Variants in GALNTL6 observed in about 807,000 individuals in gnomAD.
GALNTL6 encodes the protein polypeptide N-acetylgalactosaminyltransferase-like 6.
In GALNTL6, 46 loss-of-function variants were observed where a neutral mutation model predicts 73.7. The ratio of observed to expected loss-of-function variants is 0.62; its 90% CI spans 0.49 to 0.80. The LOEUF (loss-of-function observed/expected upper bound fraction) is 0.80, where lower values mean the gene tolerates loss of function less well. GALNTL6 is among the 30% of genes least tolerant of loss of function. The pLI is 0.00. For synonymous variants in GALNTL6, 259 were observed against 263.7 expected (o/e 0.98, Z 0.17); for missense variants, 604 against 755.0 (o/e 0.80, Z 2.34).
At chr4:172,156,549 A>ATATATATATATATATATATATAGTG (rs1560945645) in intron 2 of GALNTL6, among the ~76,000 whole-genome samples, 1 of 65,940 alleles carries the variant, frequency 1.5e-5, no homozygotes, top group African/African-American at 5.9e-5. Flanking sequence ...TAATATATAT[A>ATATATATATATATATATATATAGTG]TATATATATA....
rs775509820 is a variant in GALNTL6 at position 172,809,777 on chromosome 4, T to C, written c.739+231T>C. 3.3e-5 allele frequency among the ~76,000 whole-genome samples: 5 copies of C among 152,192 alleles called. No individual in the cohort carries two copies. Among genetic ancestry groups the C allele is most frequent in the Admixed American group, 1.3e-4 (2 of 15,274 alleles). On this transcript the variant is annotated intron_variant, in intron 6 of 12. Transcript: ENST00000506823. This position sits in a 1 kb window ranked among gnomAD's most constrained non-coding sequence, Gnocchi z 4.4. ...ATTTTAAATAATATCAACTTCAATC[T>C]AACTTACAGTTTAGAAAAGGTTTCA... is the stretch of plus-strand genomic sequence containing the variant.
intron 12 of GALNTL6, among the ~76,000 whole-genome samples, chr4:173,032,038 C>T (rs1753482603): frequency 6.6e-6 from 1 of 152,200 alleles, no homozygotes. Context: ...GTGCAAGGCC[C>T]TGAGATAAGC....
At chr4:172,210,042 CAAT>C (rs1201016313) in intron 2 of GALNTL6, among the ~76,000 whole-genome samples, 1 of 151,924 alleles carries the variant, frequency 6.6e-6, no homozygotes, top group African/African-American at 2.4e-5. Flanking sequence ...ATAATGTTGA[CAAT>C]AAGCTATGAA....
chr4:172,943,773 C>A (rs374879400), intron 9 of GALNTL6, among the ~76,000 whole-genome samples: 2 of 152,190 alleles, frequency 1.3e-5, no homozygotes, highest in Non-Finnish European at 2.9e-5. Context: ...ACAACAAACA[C>A]ACAACCTGAT....
chr4:172,034,395 CGTGCGTGTGTGTGTGTGTGTGTGTGT>C (rs59430553), intron 2 of GALNTL6, among the ~76,000 whole-genome samples: 46,290 of 139,612 alleles, frequency 0.33, 7,774 homozygotes, highest in Middle Eastern at 0.44. Context: ...GGGGAGCGTG[CGTGCGTGTGTGTGTGTGTGTGTGTGT>C]GTGTGTGTGT....
At chr4:172,130,003 C>T (rs1256290974) in intron 2 of GALNTL6, among the ~76,000 whole-genome samples, 2 of 152,062 alleles carry the variant, frequency 1.3e-5, no homozygotes, top group Non-Finnish European at 2.9e-5. Context: ...TGGGAATACA[C>T]ACGGCAAAGT....
intron 4 of GALNTL6, among the ~76,000 whole-genome samples, chr4:172,323,358 AAAAACAGTGTGACT>A (rs923868390): frequency 2.6e-5 from 4 of 152,178 alleles, no homozygotes; most frequent in African/African-American, 9.6e-5. Flanking sequence ...ATTAGAATAG[AAAAACAGTGTGACT>A]AAAACCAGCC....
chr4:172,586,139 C>T (rs934894308), intron 5 of GALNTL6, among the ~76,000 whole-genome samples: 1 of 152,136 alleles, frequency 6.6e-6, no homozygotes, highest in Non-Finnish European at 1.5e-5. Flanking sequence ...TACTATTTGA[C>T]CCAGCAATTT....
chr4:172,265,042 G>A (rs567911020), intron 3 of GALNTL6, among the ~76,000 whole-genome samples: 2 of 151,738 alleles, frequency 1.3e-5, no homozygotes, highest in East Asian at 3.9e-4. Context: ...ATTGTTTCTT[G>A]AGAATAAGAA....
At chr4:172,548,334 A>G (rs1354937796) in intron 5 of GALNTL6, among the ~76,000 whole-genome samples, 1 of 152,200 alleles carries the variant, frequency 6.6e-6, no homozygotes, top group African/African-American at 2.4e-5. Flanking sequence ...TGTTGAAGGA[A>G]GGTACTGCAC....
chr4:172,621,936 A>G (rs1022029073), intron 5 of GALNTL6, among the ~76,000 whole-genome samples: 1 of 152,014 alleles, frequency 6.6e-6, no homozygotes, highest in Admixed American at 6.6e-5. Context: ...CTTCTTACCA[A>G]TCTAACGGCA....
chr4:171,825,997 G>T (rs1379594020), intron 2 of GALNTL6, among the ~76,000 whole-genome samples: 2 of 152,132 alleles, frequency 1.3e-5, no homozygotes, highest in Non-Finnish European at 2.9e-5. Flanking sequence ...TACGCAACCA[G>T]AAAGTAAATA....
At chr4:172,533,577 C>T (rs1454804586) in intron 5 of GALNTL6, among the ~76,000 whole-genome samples, 1 of 152,020 alleles carries the variant, frequency 6.6e-6, no homozygotes, top group Admixed American at 6.6e-5. Flanking sequence ...CCCGCCTCAG[C>T]CTCCAAGTGT....
At chr4:172,730,995 A>C (rs894278164) in intron 5 of GALNTL6, among the ~76,000 whole-genome samples, 2 of 151,456 alleles carry the variant, frequency 1.3e-5, no homozygotes, top group Admixed American at 6.6e-5. Context: ...CAGGAGAATC[A>C]CTTGAACCCA....
At chr4:172,583,472 T>G (rs1360234681) in intron 5 of GALNTL6, among the ~76,000 whole-genome samples, 3 of 152,184 alleles carry the variant, frequency 2.0e-5, no homozygotes, top group African/African-American at 7.2e-5. Context: ...GCAGCTAATA[T>G]TATTCCATTT....
rs974486518 is a variant in GALNTL6 at position 172,276,920 on chromosome 4, T to C, written c.248-34694T>C. ...TAATTTAATGGACTATTTTATTAAT[T>C]TAATGGACTATTTATAGCCTCATCT... On this transcript the variant is annotated intron_variant, in intron 3 of 12. Coordinates refer to ENST00000506823, the MANE Select transcript of GALNTL6 (RefSeq NM_001034845.3). 1.2e-4 allele frequency among the ~76,000 whole-genome samples: 19 copies of C among 152,166 alleles called. 1 individual carries two copies. Among genetic ancestry groups the C allele is most frequent in the African/African-American group, 4.6e-4 (19 of 41,446 alleles).
chr4:171,824,873 C>T (rs903774277), intron 2 of GALNTL6, among the ~76,000 whole-genome samples: 3 of 152,080 alleles, frequency 2.0e-5, no homozygotes, highest in African/African-American at 4.8e-5. Flanking sequence ...GAAAATAATA[C>T]GGCACTTGTT....
chr4:171,816,735 A>C (rs924817885), intron 2 of GALNTL6, among the ~76,000 whole-genome samples: 5 of 152,042 alleles, frequency 3.3e-5, no homozygotes, highest in African/African-American at 1.2e-4. Context: ...TACTTAATGA[A>C]AAATATAATT....
chr4:172,069,576 TTATATATTA>T (rs1269786658), intron 2 of GALNTL6, among the ~76,000 whole-genome samples: 1 of 2,270 alleles, frequency 4.4e-4, no homozygotes, highest in African/African-American at 6.7e-4. Flanking sequence ...CACATATATG[TTATATATTA>T]TATATATAAC....
Sources: allele counts gnomAD v4.1 joint callset (sites outside exome capture counted in the v4.1 genomes callset), GRCh38; gene constraint gnomAD v4.1.1; non-coding constraint Gnocchi (gnomAD v3.1); transcripts MANE v1.5; gene names NCBI Gene and HGNC (gene_info 2026-07-23, HGNC 2026-07-21).